The following TNC variants were observed in gnomAD, a reference collection of about 807,000 sequenced individuals.
The protein encoded by TNC is tenascin C.
In TNC, 109 loss-of-function variants were observed where a neutral mutation model predicts 202.4. The observed-to-expected ratio is 0.54, with a 90% CI of 0.46 to 0.63. The LOEUF is 0.63. Among genes scored for constraint, TNC ranks in the 30% least tolerant of loss-of-function variants. TNC has a pLI of 0.00. For synonymous variants in TNC, 1,007 were observed against 1,089.7 expected, an observed-to-expected ratio of 0.92 and a Z score of 1.50; for missense variants, 2,756 against 2,833.3, an observed-to-expected ratio of 0.97 and a Z score of 0.62.
intron 1 of TNC, among the ~76,000 whole-genome samples, chr9:115,101,102 T>G (rs1054211422): frequency 6.6e-5 from 10 of 152,182 alleles, no homozygotes; most frequent in Admixed American, 1.3e-4. Flanking sequence ...ACTTTTTCAG[T>G]ACATACGTGC....
chr9:115,029,035 G>GAA (rs71375266), intron 25 of TNC, among the ~76,000 whole-genome samples: 914 of 71,208 alleles, frequency 0.013, 43 homozygotes, highest in African/African-American at 0.044. Context: ...ATTATCTCTG[G>GAA]AAAAAAAAAA....
At chr9:115,076,745 C>T (rs947758510) in intron 7 of TNC, among the ~76,000 whole-genome samples, 170 bp from the exon 8 acceptor site, 3 of 152,186 alleles carry the variant, frequency 2.0e-5, no homozygotes, top group Admixed American at 6.5e-5. Context: ...ACAAGTGCTA[C>T]AGATTTGGCA....
At chr9:115,108,876 C>T (rs1462528251) in intron 1 of TNC, among the ~76,000 whole-genome samples, 1 of 152,196 alleles carries the variant, frequency 6.6e-6, no homozygotes. Context: ...ACTTCCCAGC[C>T]TCCAGAACTG....
rs200507096 is a variant in TNC, at chr9:115,076,357, GC to G, written c.2860+32del. The stretch of plus-strand genomic sequence containing the variant: ...ATCCTTTAAGGGCCCTCTAGGGCTG[GC>G]TGGCTCAGGCTTGCAGAGATGCAGA... On this transcript the variant is annotated intron_variant, in intron 8 of 27. Transcript: ENST00000350763. The G allele has an allele frequency of 8.4e-5, 135 of 1,610,218 alleles. No individual in the cohort carries two copies. The East Asian group carries it at 2.5e-3, about 30-fold the overall frequency.
chr9:115,071,419 G>T (rs1463107713), intron 10 of TNC, among the ~76,000 whole-genome samples: 1 of 152,184 alleles, frequency 6.6e-6, no homozygotes, highest in Non-Finnish European at 1.5e-5. Flanking sequence ...TGAGGCTTTG[G>T]AATGCCAATA....
intron 14 of TNC, 74 bp downstream of exon 14, chr9:115,059,656 T>C: frequency 4.8e-6 from 7 of 1,451,926 alleles, no homozygotes; most frequent in Non-Finnish European, 4.6e-6. Context: ...GGCGAGATGC[T>C]GACTCCGCGC....
chr9:115,038,452 A>T, intron 19 of TNC, 72 bp from the exon 20 acceptor site: 2 of 1,569,652 alleles, frequency 1.3e-6, no homozygotes, highest in Admixed American at 3.5e-5. Context: ...TCTGCTGTCC[A>T]CACTGCTTAT....
At chr9:115,066,921 A>G (rs1832998015) in intron 10 of TNC, among the ~76,000 whole-genome samples, 2 of 152,220 alleles carry the variant, frequency 1.3e-5, no homozygotes, top group South Asian at 4.1e-4. Context: ...TAAAATATTT[A>G]CCATCTGGCC....
intron 15 of TNC, 76 bp downstream of exon 15, chr9:115,057,077 G>T (rs1832180497): frequency 6.7e-7 from 1 of 1,502,286 alleles, no homozygotes; most frequent in Non-Finnish European, 8.9e-7. Flanking sequence ...ATCAATGGGA[G>T]AGGAGAAGGA....
chr9:115,041,023 T>C lies in TNC; in HGVS notation c.5310A>G (p.Ile1770Met). 6.2e-7 allele frequency: 1 copy of C among 1,614,034 alleles called. No homozygotes were observed. Among genetic ancestry groups the C allele is most frequent in the Non-Finnish European group, 8.5e-7 (1 of 1,179,990 alleles). The change falls in exon 19 of 28, where the codon ATA (isoleucine) becomes ATG (methionine). Residue 1770 changes from isoleucine (I) to methionine (M), a missense_variant. Ile to Met is a conservative substitution (Grantham distance 10, BLOSUM62 1). Coordinates refer to ENST00000350763, the MANE Select transcript of TNC (RefSeq NM_002160.4). ...TKTQTRLVKL[I>M]PGVEYLVSII... ...TGCTGACAAGGTACTCCACGCCAGG[T>C]ATGAGTTTCACCAGCCTGGTCTGAG...
chr9:115,087,860 C>T (rs921113545), intron 2 of TNC, among the ~76,000 whole-genome samples: 1 of 151,958 alleles, frequency 6.6e-6, no homozygotes, highest in African/African-American at 2.4e-5. Context: ...CGCCACCATG[C>T]CCGGCTAATT....
chr9:115,112,368 C>A (rs372789106), intron 1 of TNC, among the ~76,000 whole-genome samples: 2 of 152,176 alleles, frequency 1.3e-5, no homozygotes, highest in South Asian at 2.1e-4. Flanking sequence ...AGAGCCCTTT[C>A]ATCAAATAAA....
intron 1 of TNC, among the ~76,000 whole-genome samples, chr9:115,094,817 CTGTGTGTG>C (rs1166113704): frequency 1.4e-3 from 42 of 29,878 alleles, no homozygotes; most frequent in African/African-American, 4.0e-3. Context: ...ACAAGTGCCT[CTGTGTGTG>C]TGTGTGTGTG....
chr9:115,052,763 G>C, intron 15 of TNC: 4 of 702,498 alleles, frequency 5.7e-6, no homozygotes, highest in Non-Finnish European at 1.0e-5. Flanking sequence ...GGCAGTGAGG[G>C]GTCTGGTGGG....
intron 1 of TNC, among the ~76,000 whole-genome samples, chr9:115,117,425 C>T (rs1304024132): frequency 6.6e-6 from 1 of 152,190 alleles, no homozygotes; most frequent in Non-Finnish European, 1.5e-5. Context: ...CAGGAGCCAC[C>T]TCCTCTCTTC....
In TNC at chr9:115,085,919, G is replaced by A. The variant is rs767540304; in HGVS notation, c.1812C>T (p.Cys604=). Residue 604 remains cysteine, a synonymous_variant, in exon 3 of 28, where the codon TGC becomes TGT. Coordinates refer to ENST00000350763, the MANE Select transcript of TNC (RefSeq NM_002160.4). ...CGTTGCAGATGCAGCGGCCCGAGAC[G>A]CATTGTCCTAAGTTGTTGCAGTCAC... ...CPSDCNNLGQ[C]VSGRCICNEG... The A allele has an allele frequency of 2.4e-5, 38 of 1,613,166 alleles. No individual in the cohort carries two copies. In the Admixed American group the frequency reaches 2.5e-4, roughly 11 times the overall value.
chr9:115,031,444 T>C, intron 23 of TNC, 109 bp downstream of exon 23: 3 of 1,262,536 alleles, frequency 2.4e-6, no homozygotes, highest in Non-Finnish European at 3.1e-6. Flanking sequence ...GAATCGATTC[T>C]TTTCAGAGGT....
chr9:115,100,213 C>T (rs2134002939), intron 1 of TNC, among the ~76,000 whole-genome samples: 1 of 152,288 alleles, frequency 6.6e-6, no homozygotes, highest in Middle Eastern at 3.4e-3. Context: ...CACAGACAGA[C>T]ATCAAATTAT....
At chr9:115,049,428 C>CATCTAAAAAA (rs1831474129) in intron 15 of TNC, among the ~76,000 whole-genome samples, 1 of 152,046 alleles carries the variant, frequency 6.6e-6, no homozygotes. Context: ...GCCTTCCAAC[C>CATCTAAAAAA]CCGATCACAT....
Sources: gnomAD v4.1 joint callset for allele counts (sites outside exome capture counted in the v4.1 genomes callset) on GRCh38, gnomAD v4.1.1 for gene constraint, MANE v1.5 for transcripts, NCBI Gene and HGNC (gene_info 2026-07-23, HGNC 2026-07-21) for gene names.